The following PALLD variants were observed in gnomAD, a reference collection of about 807,000 sequenced individuals.
PALLD encodes the protein palladin.
A neutral mutation model predicts 123.5 loss-of-function variants in PALLD; 61 were observed. The ratio of observed to expected loss-of-function variants is 0.49; its 90% CI spans 0.40 to 0.61. The LOEUF (loss-of-function observed/expected upper bound fraction) is 0.61. Among genes scored for constraint, PALLD ranks in the 20% least tolerant of loss-of-function variants. PALLD has a pLI of 0.00. For missense variants in PALLD, 1,273 were observed against 1,377.0 expected, an observed-to-expected ratio of 0.92 and a Z score of 1.20; for synonymous variants, 465 against 496.4, an observed-to-expected ratio of 0.94 and a Z score of 0.84.
Position 168,512,041 on chromosome 4 carries a change from A to G in PALLD, c.537A>G (p.Leu179=), listed in dbSNP as rs1488494743. The G allele has an allele frequency of 2.5e-6, 4 of 1,614,226 alleles. No individual in the cohort carries two copies. The Admixed American group carries it at 6.7e-5, about 27-fold the overall frequency. ...AGGCAGCTAATTTAATTGAGGAGCT[A>G]ACATCCATATTTAAAGCCGCAAAGC... ...CDKAANLIEE[L]TSIFKAAKPR... is the part of the protein sequence containing the mutation. Residue 179 remains leucine, a synonymous_variant, in exon 2 of 22, where the codon CTA becomes CTG. Coordinates refer to ENST00000505667, the MANE Select transcript of PALLD (RefSeq NM_001166108.2).
In PALLD at chr4:168,739,779, C is replaced by T. The variant is rs570445954; in HGVS notation, c.1964+27856C>T. 3.9e-5 allele frequency among the ~76,000 whole-genome samples: 6 copies of T among 152,312 alleles called. 1 individual carries two copies. In the South Asian group the frequency reaches 1.2e-3, roughly 32 times the overall value. On this transcript the variant is annotated intron_variant, in intron 10 of 21. Transcript: ENST00000505667. Reference sequence around the variant, plus strand: ...AAGTTGCAGTCCTCTCCATCACACACGTCATAAAGGCAGCACCAGAAACAA... The same window carrying T: ...AAGTTGCAGTCCTCTCCATCACACATGTCATAAAGGCAGCACCAGAAACAA...
rs990125548 is a variant in PALLD at position 168,879,297 on chromosome 4, C to T, written c.1965-11625C>T. ...GTACAGTAAAATCCTCAAAAAAATACAGTACAGGTGTTAGGCATGTTTGGT... is the reference window on the plus strand; with the variant it reads ...GTACAGTAAAATCCTCAAAAAAATATAGTACAGGTGTTAGGCATGTTTGGT... On this transcript the variant is annotated intron_variant, in intron 10 of 21. Transcript: ENST00000505667. 2.6e-5 allele frequency among the ~76,000 whole-genome samples: 4 copies of T among 152,228 alleles called. No individual in the cohort carries two copies. In the East Asian group the frequency reaches 7.7e-4, roughly 29 times the overall value.
intron 10 of PALLD, among the ~76,000 whole-genome samples, chr4:168,731,521 A>G (rs1049202288): frequency 3.9e-5 from 6 of 152,266 alleles, no homozygotes; most frequent in African/African-American, 1.4e-4. Flanking sequence ...AGCACAGGGC[A>G]TGCCAAAGGG....
intron 2 of PALLD, among the ~76,000 whole-genome samples, chr4:168,540,440 T>C (rs1309060754): frequency 6.6e-6 from 1 of 152,176 alleles, no homozygotes; most frequent in Non-Finnish European, 1.5e-5. Flanking sequence ...CTCACCCTCT[T>C]TCTGTCCTTA....
chr4:168,531,893 C>CT (rs999141163), intron 2 of PALLD, among the ~76,000 whole-genome samples: 14 of 151,886 alleles, frequency 9.2e-5, no homozygotes, highest in Admixed American at 6.6e-4. Flanking sequence ...AAAAGCCCTC[C>CT]TTTTTTTTCT....
At chr4:168,508,506 G>A (rs10518001) in intron 1 of PALLD, among the ~76,000 whole-genome samples, 13,521 of 152,052 alleles carry the variant, frequency 0.089, 757 homozygotes, top group East Asian at 0.15. Context: ...TCACAATTTC[G>A]TCATGTCAAG....
intron 9 of PALLD, among the ~76,000 whole-genome samples, chr4:168,710,000 A>AT (rs1784679736): frequency 6.6e-6 from 1 of 152,146 alleles, no homozygotes; most frequent in Non-Finnish European, 1.5e-5. Flanking sequence ...AGATACTTGT[A>AT]CAAATAAGCC....
At chr4:168,682,140 G>A (rs992849440) in intron 4 of PALLD, among the ~76,000 whole-genome samples, 1 of 152,074 alleles carries the variant, frequency 6.6e-6, no homozygotes, top group Admixed American at 6.6e-5. Context: ...ACAAAACTTA[G>A]TTATTCCTAC....
At chr4:168,696,181 C>T (rs1174140332) in intron 8 of PALLD, among the ~76,000 whole-genome samples, 1 of 152,086 alleles carries the variant, frequency 6.6e-6, no homozygotes, top group Non-Finnish European at 1.5e-5. Flanking sequence ...ACTCAAGACA[C>T]ATTTGAGTAC....
intron 10 of PALLD, among the ~76,000 whole-genome samples, chr4:168,824,074 C>G (rs1743086847): frequency 6.6e-6 from 1 of 152,200 alleles, no homozygotes; most frequent in Non-Finnish European, 1.5e-5. Context: ...TGGGCCCAAA[C>G]ATGCATATAC....
Position 168,765,726 on chromosome 4 carries a change from T to C in PALLD, c.1964+53803T>C, listed in dbSNP as rs528804095. On this transcript the variant is annotated intron_variant, in intron 10 of 21. Transcript: ENST00000505667. ...TTTGTCATCTGCTGCTCAGTGGTAA[T>C]GAGGGAAATCCTGTGCCATACATTC... is the stretch of plus-strand genomic sequence containing the variant. Among the ~76,000 whole-genome samples the C allele has an allele frequency of 2.0e-5, 3 of 152,354 alleles. No homozygotes were observed. The East Asian group carries it at 5.8e-4, about 29-fold the overall frequency.
At chr4:168,530,674 T>C (rs554817975) in intron 2 of PALLD, 2 of 152,330 alleles carry the variant, frequency 1.3e-5, no homozygotes, top group East Asian at 1.9e-4. Flanking sequence ...TTCACACTTA[T>C]GAGCTGAATA....
intron 2 of PALLD, among the ~76,000 whole-genome samples, chr4:168,632,651 A>G (rs1023181665): frequency 6.6e-6 from 1 of 152,208 alleles, no homozygotes; most frequent in African/African-American, 2.4e-5. Flanking sequence ...GGCAGGCAGA[A>G]TACAATAGGG....
intron 2 of PALLD, among the ~76,000 whole-genome samples, chr4:168,556,686 A>G (rs1245795869): frequency 1.3e-5 from 2 of 152,216 alleles, no homozygotes; most frequent in African/African-American, 2.4e-5. Flanking sequence ...CATCATTGTT[A>G]CTATCAGTCT....
At chr4:168,620,793 G>A (rs950857214) in intron 2 of PALLD, among the ~76,000 whole-genome samples, 1 of 152,158 alleles carries the variant, frequency 6.6e-6, no homozygotes, top group Non-Finnish European at 1.5e-5. Flanking sequence ...GCTAAACCAT[G>A]GGTCTATACC....
chr4:168,526,856 C>T (rs952999818), intron 2 of PALLD, among the ~76,000 whole-genome samples: 7 of 151,994 alleles, frequency 4.6e-5, no homozygotes, highest in African/African-American at 1.7e-4. Context: ...ATGAAGCCTC[C>T]AGAAAGGGAA....
At chr4:168,645,594 G>C (rs1159727223) in intron 2 of PALLD, among the ~76,000 whole-genome samples, 1 of 152,096 alleles carries the variant, frequency 6.6e-6, no homozygotes, top group Non-Finnish European at 1.5e-5. Flanking sequence ...CTTTAAAATG[G>C]GTTAGTACTT....
At chr4:168,575,545 C>T (rs1284355373) in intron 2 of PALLD, among the ~76,000 whole-genome samples, 1 of 151,976 alleles carries the variant, frequency 6.6e-6, no homozygotes, top group African/African-American at 2.4e-5. Flanking sequence ...AGAGCCAAAC[C>T]ATATCACCAC....
chr4:168,754,984 G>A (rs756410460), intron 10 of PALLD, among the ~76,000 whole-genome samples: 1 of 152,198 alleles, frequency 6.6e-6, no homozygotes, highest in Non-Finnish European at 1.5e-5. Context: ...TGTAATCCCA[G>A]CACTTCGGGA....
Sources: allele counts gnomAD v4.1 joint callset (sites outside exome capture counted in the v4.1 genomes callset), GRCh38; gene constraint gnomAD v4.1.1; transcripts MANE v1.5; gene names NCBI Gene and HGNC (gene_info 2026-07-23, HGNC 2026-07-21).